The following ABCF2 variants were observed in gnomAD, a reference collection of about 807,000 sequenced individuals.
The protein encoded by ABCF2 is ATP binding cassette subfamily F member 2.
Under a neutral mutation model 76.9 loss-of-function variants are expected in ABCF2, and 37 were observed. The ratio of observed to expected loss-of-function variants is 0.48; its 90% CI spans 0.37 to 0.63. ABCF2 has a LOEUF of 0.63. Ranked by LOEUF, ABCF2 falls within the 30% of genes least tolerant of loss-of-function variation. The probability of loss-of-function intolerance (pLI) is 0.00; values close to 1 mark genes in which losing one functional copy is unlikely to be tolerated. For synonymous variants in ABCF2, 299 were observed against 283.7 expected (o/e 1.05, Z -0.54); for missense variants, 524 against 782.1 (o/e 0.67, Z 3.94).
At chr7:151,216,233 A>G (rs1802148029) in intron 11 of ABCF2, among the ~76,000 whole-genome samples, 1 of 152,216 alleles carries the variant, frequency 6.6e-6, no homozygotes, top group Non-Finnish European at 1.5e-5. Flanking sequence ...TCAAGAGGCA[A>G]AGATACAATT....
In ABCF2 at chr7:151,218,587, C is replaced by T; in HGVS notation, c.1201G>A (p.Val401Met). The change falls in exon 10 of 15, where the codon GTG becomes ATG. Residue 401 changes from valine to methionine, a missense_variant. Transcript: ENST00000287844. ...IPPPVIMVQNVSFKYTKDGPC... is the reference protein window; with the variant it reads ...IPPPVIMVQNMSFKYTKDGPC... ...CCATCTTTTGTATACTTGAAGCTCACATTTTGCACCATAATGACAGGTGGA... is the reference window on the plus strand; with the variant it reads ...CCATCTTTTGTATACTTGAAGCTCATATTTTGCACCATAATGACAGGTGGA... 6.2e-7 allele frequency: 1 copy of T among 1,614,124 alleles called. No homozygotes were observed. The highest frequency in any genetic ancestry group is 1.1e-5 in the South Asian group (1 of 91,086).
intron 9 of ABCF2, 47 bp downstream of exon 9, chr7:151,218,707 A>G: frequency 6.2e-7 from 1 of 1,613,184 alleles, no homozygotes; most frequent in Non-Finnish European, 8.5e-7. Context: ...ACCTCACCTT[A>G]GGCCACCCAA....
chr7:151,220,167 G>A (rs772354756), intron 7 of ABCF2, among the ~76,000 whole-genome samples: 24 of 151,110 alleles, frequency 1.6e-4, no homozygotes, highest in African/African-American at 2.9e-4. Flanking sequence ...CGAGGCAGGC[G>A]GATCATGAGG....
rs1194948939 is a variant in ABCF2 at position 151,222,507 on chromosome 7, T to C, written c.818+14A>G. On this transcript the variant is annotated intron_variant, in intron 6 of 14. Transcript: ENST00000287844. Reference sequence around the variant, plus strand: ...GGGACCTGCCCGCTCACATCCCCCATTCCACCCTCTTACGTTTTTAGTTCT... The same window carrying C: ...GGGACCTGCCCGCTCACATCCCCCACTCCACCCTCTTACGTTTTTAGTTCT... 1 of 1,610,104 alleles carries C rather than the reference T, an allele frequency of 6.2e-7. No homozygotes were observed. The highest frequency in any genetic ancestry group is 1.3e-5 in the African/African-American group (1 of 74,838).
chr7:151,214,860 C>A lies in ABCF2; in HGVS notation c.1734+19G>T, dbSNP rs748606589. 6.8e-6 allele frequency: 11 copies of A among 1,613,676 alleles called. No individual in the cohort carries two copies. The South Asian group carries it at 1.2e-4, about 18-fold the overall frequency. Reference sequence around the variant, plus strand: ...CCCTAGAAGCTCTGCTGTGCCTCACCCCCTGGCCAGGGCCTCACCTGCTGA... The same window carrying A: ...CCCTAGAAGCTCTGCTGTGCCTCACACCCTGGCCAGGGCCTCACCTGCTGA... On this transcript the variant is annotated intron_variant, in intron 14 of 14. Coordinates refer to ENST00000287844, the MANE Select transcript of ABCF2 (RefSeq NM_007189.3). This position sits in a 1 kb window ranked among gnomAD's most constrained non-coding sequence, Gnocchi z 4.9.
intron 10 of ABCF2, 88 bp downstream of exon 10, chr7:151,218,473 G>T: frequency 8.4e-7 from 1 of 1,190,528 alleles, no homozygotes; most frequent in Non-Finnish European, 1.2e-6. Context: ...GCTAGCAGGT[G>T]TGGTCAGCAC....
At position 151,215,178 on chromosome 7, in the gene ABCF2, A is replaced by T. The variant is rs891134904; in HGVS notation, c.1531-96T>A. On this transcript the variant is annotated intron_variant, in intron 13 of 14. Transcript: ENST00000287844. This position sits in a 1 kb window ranked among gnomAD's most constrained non-coding sequence, Gnocchi z 4.6. ...ATTTCTCCCTGACTCCTCCATTAGC[A>T]TCGCCATTTATAAAAAGTGAGGCTC... 1.7e-6 allele frequency: 2 copies of T among 1,176,196 alleles called. No homozygotes were observed. Among genetic ancestry groups the T allele is most frequent in the Non-Finnish European group, 2.4e-6 (2 of 817,424 alleles). The allele number at this position is 1,176,196 out of a possible 1,614,324, so 72.9% of individuals were successfully genotyped here.
Position 151,212,366 on chromosome 7 carries a change from T to C in ABCF2, c.*1688A>G. On this transcript the variant is annotated 3_prime_UTR_variant, in exon 15 of 15. Transcript: ENST00000287844. Reference sequence around the variant, plus strand: ...AACTATGGCTGTGGACAGGTAAAAATACAAAATTTCCTGTATCCCAATAGG... The same window carrying C: ...AACTATGGCTGTGGACAGGTAAAAACACAAAATTTCCTGTATCCCAATAGG... 1.0e-6 allele frequency: 1 copy of C among 985,422 alleles called. No homozygotes were observed. Among genetic ancestry groups the C allele is most frequent in the Non-Finnish European group, 1.2e-6 (1 of 829,918 alleles). The allele number at this position is 985,422 out of a possible 1,614,324, so 61.0% of individuals were successfully genotyped here.
chr7:151,214,857 C>T lies in ABCF2; in HGVS notation c.1734+22G>A. On this transcript the variant is annotated intron_variant, in intron 14 of 14. Transcript: ENST00000287844. This position sits in a 1 kb window ranked among gnomAD's most constrained non-coding sequence, Gnocchi z 4.9. Reference sequence around the variant, plus strand: ...ACCCCCTAGAAGCTCTGCTGTGCCTCACCCCCTGGCCAGGGCCTCACCTGC... The same window carrying T: ...ACCCCCTAGAAGCTCTGCTGTGCCTTACCCCCTGGCCAGGGCCTCACCTGC... The T allele has an allele frequency of 1.2e-6, 2 of 1,613,284 alleles. No homozygotes were observed. Among genetic ancestry groups the T allele is most frequent in the Non-Finnish European group, 1.7e-6 (2 of 1,179,252 alleles).
Position 151,216,378 on chromosome 7 carries a change from A to G in ABCF2, c.1339-349T>C, listed in dbSNP as rs1123322. 6.9e-3 allele frequency among the ~76,000 whole-genome samples: 1,047 copies of G among 152,346 alleles called. 14 individuals are homozygous for G. The highest frequency in any genetic ancestry group is 0.023 in the African/African-American group (964 of 41,578). ...GTCACTGTCATCGATAGGTTCTTAG[A>G]AACAGAACCTATTTTAAAGTTTCAC... On this transcript the variant is annotated intron_variant, in intron 11 of 14. Transcript: ENST00000287844.
intron 5 of ABCF2, 129 bp downstream of exon 5, chr7:151,223,549 C>T: frequency 9.1e-7 from 1 of 1,097,376 alleles, no homozygotes; most frequent in Non-Finnish European, 1.3e-6. Flanking sequence ...ACCCCCTCCA[C>T]ACTGCAGATG....
At chr7:151,222,640 A>T in intron 5 of ABCF2, 24 bp from the exon 6 acceptor site, 1 of 1,592,250 alleles carries the variant, frequency 6.3e-7, no homozygotes, top group Non-Finnish European at 8.6e-7. Context: ...AAGGAGACAG[A>T]AGCACCTCAG....
At position 151,218,578 on chromosome 7, in the gene ABCF2, T is replaced by C; in HGVS notation, c.1210A>G (p.Lys404Glu). The C allele has an allele frequency of 1.2e-6, 2 of 1,614,026 alleles. No homozygotes were observed. Among genetic ancestry groups the C allele is most frequent in the Admixed American group, 1.7e-5 (1 of 60,022 alleles). Residue 404 changes from lysine to glutamate, a missense_variant, in exon 10 of 15, where the codon AAG (lysine) becomes GAG (glutamate). Lys to Glu is a moderately conservative substitution (Grantham distance 56). Around this residue, in one of 2 missense-constraint regions of ABCF2, gnomAD observed 194 missense variants for 348.6 expected, o/e 0.56. Transcript: ENST00000287844. ...PVIMVQNVSFKYTKDGPCIYN... is the reference protein window; with the variant it reads ...PVIMVQNVSFEYTKDGPCIYN... ...GAACTTACCCCATCTTTTGTATACT[T>C]GAAGCTCACATTTTGCACCATAATG...
rs2150576614 is a variant in ABCF2, at chr7:151,224,770, C to T, written c.367+6G>A. 6.2e-7 allele frequency: 1 copy of T among 1,613,700 alleles called. No homozygotes were observed. The highest frequency in any genetic ancestry group is 1.1e-5 in the South Asian group (1 of 91,078). The stretch of plus-strand genomic sequence containing the variant: ...ATACCTCCCACCTCCCCTTCCAAGG[C>T]CTCACCAATTCCATTTAAACCAATG... On this transcript the variant is annotated splice_donor_region_variant and intron_variant, in intron 3 of 14. Transcript: ENST00000287844.
rs913862422 is a variant in ABCF2, at chr7:151,218,003, C to A, written c.1338+78G>T. On this transcript the variant is annotated intron_variant, in intron 11 of 14. Transcript: ENST00000287844. ...TACTCAGGCCCTCCCAAAGTAGTAGCCCCTGCATCACTCCCCTCTTCCTTA... is the reference window on the plus strand; with the variant it reads ...TACTCAGGCCCTCCCAAAGTAGTAGACCCTGCATCACTCCCCTCTTCCTTA... 8.4e-6 allele frequency: 9 copies of A among 1,076,486 alleles called. No individual in the cohort carries two copies. The East Asian group carries it at 2.1e-4, about 26-fold the overall frequency. 66.7% of individuals were successfully genotyped at this position (1,076,486 alleles called of 1,614,324 possible).
chr7:151,213,233 C>G lies in ABCF2; in HGVS notation c.*821G>C, dbSNP rs753353547. 15 of 978,714 alleles carry G rather than the reference C, an allele frequency of 1.5e-5. No homozygotes were observed. Among genetic ancestry groups the G allele is most frequent in the Non-Finnish European group, 1.7e-5 (14 of 824,002 alleles). 60.6% of individuals were successfully genotyped at this position (978,714 alleles called of 1,614,324 possible). On this transcript the variant is annotated 3_prime_UTR_variant, in exon 15 of 15. Transcript: ENST00000287844. ...TTAACGTTCTTGGTCTCCCCCAAAA[C>G]CTATTGAACCAGAAACGCTGAGGCG...
At chr7:151,219,016 G>T in intron 8 of ABCF2, 48 bp downstream of exon 8, 1 of 1,588,274 alleles carries the variant, frequency 6.3e-7, no homozygotes, top group Non-Finnish European at 8.6e-7. Flanking sequence ...CGAGCCCCCT[G>T]CTTCTTTCAG....
In ABCF2 at chr7:151,214,950, G is replaced by C. The variant is rs1238203808; in HGVS notation, c.1663C>G (p.Leu555Val). 1 of 1,614,204 alleles carries C rather than the reference G, an allele frequency of 6.2e-7. No individual in the cohort carries two copies. Among genetic ancestry groups the C allele is most frequent in the South Asian group, 1.1e-5 (1 of 91,082 alleles). ...NHLDIETIDA[L>V]ADAINEFEGG... Reference sequence around the variant, plus strand: ...TCAAACTCATTGATGGCATCTGCCAGGGCGTCGATGGTCTCGATATCCAGG... The same window carrying C: ...TCAAACTCATTGATGGCATCTGCCACGGCGTCGATGGTCTCGATATCCAGG... Residue 555 changes from leucine to valine, a missense_variant, in exon 14 of 15, where the codon CTG becomes GTG. Leu to Val is a conservative substitution (Grantham distance 32). Around this residue, in one of 2 missense-constraint regions of ABCF2, gnomAD observed 194 missense variants for 348.6 expected, o/e 0.56. Transcript: ENST00000287844. The surrounding 1 kb of genome is among the most constrained non-coding windows in gnomAD (Gnocchi z 4.9).
At chr7:151,220,452 T>G (rs969197621) in intron 7 of ABCF2, among the ~76,000 whole-genome samples, 4 of 152,084 alleles carry the variant, frequency 2.6e-5, no homozygotes, top group Non-Finnish European at 5.9e-5. Flanking sequence ...ACATGACATT[T>G]TCTACAAATG....
Sources: allele counts gnomAD v4.1 joint callset (sites outside exome capture counted in the v4.1 genomes callset), GRCh38; gene constraint gnomAD v4.1.1; regional missense constraint gnomAD v4.1.1; non-coding constraint Gnocchi (gnomAD v3.1); transcripts MANE v1.5; gene names NCBI Gene and HGNC (gene_info 2026-07-23, HGNC 2026-07-21).